ROBO1: variants seen among roughly 807,000 people sequenced by gnomAD.
The protein encoded by ROBO1 is roundabout guidance receptor 1.
In ROBO1, 149 loss-of-function variants were observed where a neutral mutation model predicts 195.9. That is an observed-to-expected ratio of 0.76 (90% CI 0.67 to 0.87). The LOEUF (loss-of-function observed/expected upper bound fraction) is 0.87. Ranked by LOEUF, ROBO1 falls within the 40% of genes least tolerant of loss-of-function variation. The pLI is 0.00. For missense variants in ROBO1, 1,933 were observed against 2,068.3 expected, an observed-to-expected ratio of 0.93 and a Z score of 1.27; for synonymous variants, 816 against 733.2, an observed-to-expected ratio of 1.11 and a Z score of -1.82.
At chr3:79,561,673 G>A (rs1483799975) in intron 2 of ROBO1, among the ~76,000 whole-genome samples, 1 of 152,148 alleles carries the variant, frequency 6.6e-6, no homozygotes, top group Non-Finnish European at 1.5e-5. Flanking sequence ...AGGAGTTAAA[G>A]TTCAAGAAAG....
intron 1 of ROBO1, among the ~76,000 whole-genome samples, chr3:79,683,768 A>G (rs1947018674): frequency 1.3e-5 from 2 of 152,122 alleles, no homozygotes; most frequent in East Asian, 1.9e-4. Flanking sequence ...GTTGCAGCAT[A>G]TATCAGCCCT....
chr3:79,170,991 G>C (rs900758052), intron 2 of ROBO1, among the ~76,000 whole-genome samples: 2 of 151,816 alleles, frequency 1.3e-5, no homozygotes, highest in African/African-American at 4.8e-5. Flanking sequence ...TAGTTCAAAA[G>C]AGCCAACTGA....
chr3:78,608,843 T>C (rs1037572484), intron 28 of ROBO1, among the ~76,000 whole-genome samples: 1 of 152,090 alleles, frequency 6.6e-6, no homozygotes, highest in Non-Finnish European at 1.5e-5. Context: ...TTGTCACAGT[T>C]GGCTCGGTGA....
At chr3:79,060,316 T>C (rs543752145) in intron 3 of ROBO1, among the ~76,000 whole-genome samples, 1 of 151,938 alleles carries the variant, frequency 6.6e-6, no homozygotes, top group Non-Finnish European at 1.5e-5. Flanking sequence ...CTCACTCTGC[T>C]TTTCTGCCCG....
chr3:78,826,825 G>A (rs2031655502), intron 4 of ROBO1, among the ~76,000 whole-genome samples: 1 of 152,112 alleles, frequency 6.6e-6, no homozygotes, highest in Non-Finnish European at 1.5e-5. Flanking sequence ...CCCTCCAGTT[G>A]TTTTTGTATT....
intron 4 of ROBO1, among the ~76,000 whole-genome samples, chr3:78,752,069 G>C (rs1187249013): frequency 2.0e-5 from 3 of 151,998 alleles, no homozygotes; most frequent in Admixed American, 1.3e-4. Context: ...AGAAAATAAA[G>C]ACGAGGTAAA....
At chr3:79,672,492 A>G (rs1946660211) in intron 1 of ROBO1, among the ~76,000 whole-genome samples, 1 of 152,058 alleles carries the variant, frequency 6.6e-6, no homozygotes, top group African/African-American at 2.4e-5. Context: ...TATTTAACTC[A>G]TGTAGGGTAT....
intron 3 of ROBO1, among the ~76,000 whole-genome samples, chr3:78,953,134 T>A (rs2107786295): frequency 6.6e-6 from 1 of 152,078 alleles, no homozygotes; most frequent in East Asian, 1.9e-4. Flanking sequence ...CATAGACAAC[T>A]AAGTAGGAGA....
chr3:78,657,476 C>A (rs1434766341), intron 17 of ROBO1, among the ~76,000 whole-genome samples: 1 of 152,128 alleles, frequency 6.6e-6, no homozygotes, highest in African/African-American at 2.4e-5. Context: ...TTCAAGGCAT[C>A]TTTATTACTT....
At chr3:79,258,207 T>C (rs1427928359) in intron 2 of ROBO1, among the ~76,000 whole-genome samples, 2 of 152,220 alleles carry the variant, frequency 1.3e-5, no homozygotes, top group Non-Finnish European at 2.9e-5. Context: ...TTGACTTCAT[T>C]TTGTACTTCA....
At chr3:79,417,049 A>G (rs1169284602) in intron 2 of ROBO1, among the ~76,000 whole-genome samples, 1 of 152,066 alleles carries the variant, frequency 6.6e-6, no homozygotes, top group Non-Finnish European at 1.5e-5. Context: ...AATTAGCAGA[A>G]CTCGCATGAT....
At chr3:79,257,979 T>A (rs1211111227) in intron 2 of ROBO1, among the ~76,000 whole-genome samples, 1 of 152,062 alleles carries the variant, frequency 6.6e-6, no homozygotes, top group Non-Finnish European at 1.5e-5. Flanking sequence ...ATAACCCAAA[T>A]TCCAGTCTGA....
intron 1 of ROBO1, among the ~76,000 whole-genome samples, chr3:79,697,700 T>C (rs1393623972): frequency 6.6e-6 from 1 of 151,476 alleles, no homozygotes; most frequent in African/African-American, 2.4e-5. Context: ...TTGGAAAATG[T>C]AGTTCATAAC....
chr3:78,727,148 A>C (rs895968649), intron 5 of ROBO1, among the ~76,000 whole-genome samples: 4 of 152,142 alleles, frequency 2.6e-5, no homozygotes, highest in Admixed American at 1.3e-4. Context: ...ATTTTGTACA[A>C]ATGACAGACA....
At chr3:79,241,808 T>C (rs1377391951) in intron 2 of ROBO1, among the ~76,000 whole-genome samples, 2 of 151,748 alleles carry the variant, frequency 1.3e-5, no homozygotes, top group African/African-American at 2.4e-5. Flanking sequence ...TATGGGGTTA[T>C]TTAAAAGTTA....
chr3:78,892,052 C>A (rs1317930391), intron 4 of ROBO1, among the ~76,000 whole-genome samples: 1 of 152,174 alleles, frequency 6.6e-6, no homozygotes, highest in East Asian at 1.9e-4. Flanking sequence ...ATTAGATACT[C>A]CATTGTATGT....
chr3:79,035,550 T>C (rs145679464), intron 3 of ROBO1, among the ~76,000 whole-genome samples: 1,785 of 151,822 alleles, frequency 0.012, 22 homozygotes, highest in South Asian at 0.05. Context: ...TGAGACCTCA[T>C]CTCTACAAAA....
At chr3:79,637,410 A>T (rs1323864682) in intron 1 of ROBO1, among the ~76,000 whole-genome samples, 1 of 150,780 alleles carries the variant, frequency 6.6e-6, no homozygotes, top group Admixed American at 6.6e-5. Context: ...TTAAAATGTG[A>T]CCCTCCTTCC....
intron 2 of ROBO1, among the ~76,000 whole-genome samples, chr3:79,293,983 G>A (rs1421286789): frequency 2.0e-4 from 29 of 146,800 alleles, no homozygotes; most frequent in African/African-American, 5.5e-4. Context: ...GCGTGAACCC[G>A]GGAGGCGGAG....
Sources: allele counts gnomAD v4.1 joint callset (sites outside exome capture counted in the v4.1 genomes callset), GRCh38; gene constraint gnomAD v4.1.1; transcripts MANE v1.5; gene names NCBI Gene and HGNC (gene_info 2026-07-23, HGNC 2026-07-21).